Variants in CPEB3 observed in about 807,000 individuals in gnomAD.
CPEB3 encodes the protein cytoplasmic polyadenylation element binding protein 3.
Under a neutral mutation model 67.2 loss-of-function variants are expected in CPEB3, and 20 were observed. The observed-to-expected ratio is 0.30, with a 90% CI of 0.21 to 0.43. CPEB3 has a LOEUF of 0.43. CPEB3 is among the 20% of genes least tolerant of loss of function. CPEB3 has a pLI of 1.00. For missense variants in CPEB3, 746 were observed against 968.6 expected, an observed-to-expected ratio of 0.77 and a Z score of 3.05; for synonymous variants, 376 against 393.1, an observed-to-expected ratio of 0.96 and a Z score of 0.51.
At chr10:92,095,420 T>C (rs189025702) in intron 7 of CPEB3, among the ~76,000 whole-genome samples, 149 of 152,162 alleles carry the variant, frequency 9.8e-4, no homozygotes, top group Non-Finnish European at 1.8e-3. Flanking sequence ...AAAATAATAT[T>C]GTGGTACTAT....
chr10:92,119,506 A>G (rs1196960530), intron 6 of CPEB3, among the ~76,000 whole-genome samples: 2 of 152,222 alleles, frequency 1.3e-5, no homozygotes, highest in Non-Finnish European at 2.9e-5. Flanking sequence ...CAGTAGAAAC[A>G]ATACCAGCTC....
At chr10:92,110,896 T>C (rs551364628) in intron 7 of CPEB3, among the ~76,000 whole-genome samples, 180 bp downstream of exon 7, 2 of 152,224 alleles carry the variant, frequency 1.3e-5, no homozygotes, top group African/African-American at 4.8e-5. Context: ...ATAAAATGAA[T>C]ACTGAGTAAT....
At chr10:92,196,926 C>T (rs573307967) in intron 2 of CPEB3, among the ~76,000 whole-genome samples, 1 of 148,848 alleles carries the variant, frequency 6.7e-6, no homozygotes, top group South Asian at 2.1e-4. Flanking sequence ...AGTGAGACCC[C>T]ATCTCAAAAA....
intron 1 of CPEB3, among the ~76,000 whole-genome samples, chr10:92,275,290 C>A (rs773956742): frequency 6.6e-6 from 1 of 152,148 alleles, no homozygotes; most frequent in Non-Finnish European, 1.5e-5. Flanking sequence ...GTGTAACAAT[C>A]GAAATGTCTC....
chr10:92,144,621 G>C (rs760202962), intron 5 of CPEB3, among the ~76,000 whole-genome samples: 4 of 152,126 alleles, frequency 2.6e-5, no homozygotes. Context: ...CAGAAGCTCT[G>C]GAATCTAATT....
rs946295588 is a variant in CPEB3 at position 92,049,962 on chromosome 10, T to C, written c.*2250A>G. 2.0e-5 allele frequency: 3 copies of C among 152,496 alleles called. No individual in the cohort carries two copies. The highest frequency in any genetic ancestry group is 4.4e-5 in the Non-Finnish European group (3 of 68,032). 9.4% of individuals were successfully genotyped at this position (152,496 alleles called of 1,614,324 possible). A position where few individuals can be genotyped will look rare whatever the true frequency, so the allele number is the denominator to read the frequency against. On this transcript the variant is annotated 3_prime_UTR_variant, in exon 10 of 10. Transcript: ENST00000265997. Reference sequence around the variant, plus strand: ...TTGCAGAATTAAATTAATATATATTTTTCTGAATAAACTTACTTAGAAAAT... The same window carrying C: ...TTGCAGAATTAAATTAATATATATTCTTCTGAATAAACTTACTTAGAAAAT...
At chr10:92,279,780 T>C (rs1842173693) in intron 1 of CPEB3, among the ~76,000 whole-genome samples, 2 of 152,138 alleles carry the variant, frequency 1.3e-5, no homozygotes, top group African/African-American at 4.8e-5. Flanking sequence ...GATGGGTGGA[T>C]CGCTCGATCT....
At chr10:92,241,630 C>T (rs1221110405) in intron 1 of CPEB3, among the ~76,000 whole-genome samples, 1 of 152,066 alleles carries the variant, frequency 6.6e-6, no homozygotes, top group East Asian at 1.9e-4. Context: ...TGGTATTTTC[C>T]ATCTCACAGA....
At chr10:92,072,170 T>A (rs987155240) in intron 9 of CPEB3, among the ~76,000 whole-genome samples, 4 of 152,154 alleles carry the variant, frequency 2.6e-5, no homozygotes, top group Non-Finnish European at 5.9e-5. Flanking sequence ...ATCCTTTAAA[T>A]GAAAAAACAT....
In CPEB3 at chr10:92,247,216, AT is replaced by A. The variant is rs1196480492; in HGVS notation, c.-11-6856del. Among the ~76,000 whole-genome samples the A allele has an allele frequency of 1.3e-5, 2 of 151,960 alleles. 1 individual carries two copies. The highest frequency in any genetic ancestry group is 2.9e-5 in the Non-Finnish European group (2 of 67,976). On this transcript the variant is annotated intron_variant, in intron 1 of 9. Transcript: ENST00000265997. The stretch of plus-strand genomic sequence containing the variant: ...TAACCATAAAAGAGGTACCTTCTTT[AT>A]TTTTTTATTGTTTTTTCTGAGACAG...
At chr10:92,226,615 T>C (rs971768203) in intron 2 of CPEB3, among the ~76,000 whole-genome samples, 1 of 152,228 alleles carries the variant, frequency 6.6e-6, no homozygotes, top group Non-Finnish European at 1.5e-5. Context: ...CTTGCCCTTG[T>C]GGAGCCTACA....
At chr10:92,258,716 T>C (rs1852654071) in intron 1 of CPEB3, among the ~76,000 whole-genome samples, 1 of 134,528 alleles carries the variant, frequency 7.4e-6, no homozygotes, top group African/African-American at 2.9e-5. Context: ...CAAAAAATGT[T>C]CACTAGATCA....
At chr10:92,146,443 TA>T (rs202225371) in intron 4 of CPEB3, among the ~76,000 whole-genome samples, 244 of 144,240 alleles carry the variant, frequency 1.7e-3, no homozygotes, top group Admixed American at 3.0e-3. Flanking sequence ...AATATACTCT[TA>T]AAAAAAAAAA....
intron 6 of CPEB3, among the ~76,000 whole-genome samples, chr10:92,126,902 T>A (rs1369699896): frequency 6.6e-6 from 1 of 152,196 alleles, no homozygotes; most frequent in South Asian, 2.1e-4. Flanking sequence ...ACCTCTAAAA[T>A]GTGGTGGGTT....
chr10:92,088,103 T>C (rs1256127984), intron 8 of CPEB3, among the ~76,000 whole-genome samples: 1 of 152,174 alleles, frequency 6.6e-6, no homozygotes, highest in Non-Finnish European at 1.5e-5. Context: ...TGTGTATTAT[T>C]TGACATAGAA....
intron 1 of CPEB3, among the ~76,000 whole-genome samples, chr10:92,242,196 G>C (rs1269835307): frequency 2.0e-5 from 3 of 151,968 alleles, no homozygotes; most frequent in African/African-American, 7.3e-5. Context: ...GAAATGCTTC[G>C]CAGCCACCTT....
intron 8 of CPEB3, among the ~76,000 whole-genome samples, chr10:92,086,149 G>A (rs990485683): frequency 3.3e-5 from 5 of 152,110 alleles, no homozygotes; most frequent in East Asian, 3.9e-4. Context: ...TCTAAACTGC[G>A]AATCTATAAT....
chr10:92,110,111 T>C (rs533538510), intron 7 of CPEB3, among the ~76,000 whole-genome samples: 11 of 152,336 alleles, frequency 7.2e-5, no homozygotes, highest in African/African-American at 2.2e-4. Context: ...CAAGCAGATA[T>C]TTAAATACAA....
chr10:92,237,647 G>C (rs972432173), intron 2 of CPEB3, among the ~76,000 whole-genome samples: 12 of 152,140 alleles, frequency 7.9e-5, no homozygotes, highest in African/African-American at 2.9e-4. Flanking sequence ...TAAGATTTTA[G>C]GTTATCCTCT....
Sources: gnomAD v4.1 joint callset for allele counts (sites outside exome capture counted in the v4.1 genomes callset) on GRCh38, gnomAD v4.1.1 for gene constraint, MANE v1.5 for transcripts, NCBI Gene and HGNC (gene_info 2026-07-23, HGNC 2026-07-21) for gene names.